The following HDX variants were observed in gnomAD, a reference collection of about 807,000 sequenced individuals.
HDX encodes the protein chromosome X open reading frame 43.
HDX carries 19 observed loss-of-function variants against 45.2 expected under a neutral mutation model. That is an observed-to-expected ratio of 0.42 (90% CI 0.29 to 0.62). The LOEUF (loss-of-function observed/expected upper bound fraction) is 0.62. Ranked by LOEUF, HDX falls within the 20% of genes least tolerant of loss-of-function variation. The pLI is 0.20. For synonymous variants in HDX, 188 were observed against 172.8 expected, an observed-to-expected ratio of 1.09 and a Z score of -0.69; for missense variants, 532 against 493.9, an observed-to-expected ratio of 1.08 and a Z score of -0.73.
At chrX:84,401,309 C>T (rs1244391362) in intron 5 of HDX, among the ~76,000 whole-genome samples, 1 of 111,654 alleles carries the variant, frequency 9.0e-6, no homozygotes, top group African/African-American at 3.3e-5. Context: ...ATCCATCGGA[C>T]AAAGGTCTAA....
chrX:84,484,186 C>T (rs762438797), intron 2 of HDX, among the ~76,000 whole-genome samples: 1 of 111,936 alleles, frequency 8.9e-6, no homozygotes, highest in East Asian at 2.8e-4. Flanking sequence ...AAGTTGCTTC[C>T]ACATTTTGGG....
chrX:84,464,879 T>C (rs2040313109), intron 4 of HDX, among the ~76,000 whole-genome samples: 1 of 111,039 alleles, frequency 9.0e-6, no homozygotes, highest in South Asian at 3.7e-4. Flanking sequence ...ATCATCAGAG[T>C]GAACAGGCAA....
intron 5 of HDX, among the ~76,000 whole-genome samples, chrX:84,369,504 C>T (rs944272547): frequency 1.8e-5 from 2 of 112,129 alleles, no homozygotes; most frequent in African/African-American, 6.5e-5. Context: ...CTGTTTTCCC[C>T]AGCAGATATA....
intron 5 of HDX, among the ~76,000 whole-genome samples, chrX:84,404,437 TTTTGTCCAATAATTGAATTAATTCATAA>T (rs953491080): frequency 9.0e-6 from 1 of 111,379 alleles, no homozygotes; most frequent in African/African-American, 3.3e-5. Flanking sequence ...CTAAATGAAT[TTTTGTCCAATAATTGAATTAATTCATAA>T]CATCTGATCT....
At chrX:84,370,543 G>T (rs931534109) in intron 5 of HDX, among the ~76,000 whole-genome samples, 1 of 112,210 alleles carries the variant, frequency 8.9e-6, no homozygotes, top group African/African-American at 3.2e-5. Context: ...AGTCTCTGGA[G>T]TTCTGGCATC....
At chrX:84,425,725 T>G (rs2039369495) in intron 5 of HDX, among the ~76,000 whole-genome samples, 1 of 111,183 alleles carries the variant, frequency 9.0e-6, no homozygotes, top group Non-Finnish European at 1.9e-5. Flanking sequence ...CATCACATGT[T>G]TTCACTTATT....
chrX:84,351,567 C>T (rs775183968), intron 6 of HDX, among the ~76,000 whole-genome samples: 34 of 111,448 alleles, frequency 3.1e-4, no homozygotes, highest in Non-Finnish European at 6.0e-4. Flanking sequence ...TTTCCTGGTT[C>T]TTGGCTGAGA....
intron 5 of HDX, among the ~76,000 whole-genome samples, chrX:84,405,637 C>T (rs1250171815): frequency 8.3e-5 from 7 of 84,130 alleles, no homozygotes; most frequent in African/African-American, 3.1e-4. Flanking sequence ...GGATCAAGAG[C>T]CTCACAAGCT....
At chrX:84,435,043 T>C (rs1309487574) in intron 5 of HDX, among the ~76,000 whole-genome samples, 2 of 111,198 alleles carry the variant, frequency 1.8e-5, no homozygotes, top group Admixed American at 9.6e-5. Context: ...TTTTATTTCC[T>C]TGGGTCTTCT....
chrX:84,328,610 C>T (rs182283094), intron 9 of HDX, among the ~76,000 whole-genome samples: 5 of 111,253 alleles, frequency 4.5e-5, no homozygotes, highest in East Asian at 2.8e-4. Flanking sequence ...CCAATAAGCA[C>T]GTCAAAATAT....
At chrX:84,342,388 G>A (rs150035891) in intron 7 of HDX, among the ~76,000 whole-genome samples, 9,326 of 110,722 alleles carry the variant, frequency 0.084, 398 homozygotes, top group East Asian at 0.26. Flanking sequence ...GAAGAATGAG[G>A]GCCCTACCAG....
In HDX at chrX:84,344,466, G is replaced by A; in HGVS notation, c.1453-9C>T. The A allele has an allele frequency of 8.7e-7, 1 of 1,150,626 alleles. No homozygotes were observed. Among genetic ancestry groups the A allele is most frequent in the South Asian group, 1.8e-5 (1 of 55,085 alleles). 94.8% of individuals were successfully genotyped at this position (1,150,626 alleles called of 1,213,427 possible). On this transcript the variant is annotated splice_polypyrimidine_tract_variant and intron_variant, in intron 6 of 10. Transcript: ENST00000373177. ...CGATTCCCAATCCAAGTCTTTATAA[G>A]AGAAATATAGGAGGAATTTTTGTAA...
intron 5 of HDX, among the ~76,000 whole-genome samples, chrX:84,422,188 T>A (rs2148013790): frequency 8.9e-6 from 1 of 111,948 alleles, no homozygotes; most frequent in East Asian, 2.8e-4. Flanking sequence ...GTAACAAGCA[T>A]CTTCTTTGAC....
Position 84,349,693 on chromosome X carries a change from TG to T in HDX, c.1453-5237del, listed in dbSNP as rs2037295699. On this transcript the variant is annotated intron_variant, in intron 6 of 10. Transcript: ENST00000373177. ...TTAACCCTAGCCCTGTGTGTGTGTG[TG>T]TGTGTGTGTGCACACACACCATAGA... Among the ~76,000 whole-genome samples the T allele has an allele frequency of 5.7e-5, 6 of 104,773 alleles. No homozygotes were observed. The South Asian group carries it at 2.6e-3, about 45-fold the overall frequency. 91.0% of individuals were successfully genotyped at this position (104,773 alleles called of 115,157 possible).
intron 5 of HDX, among the ~76,000 whole-genome samples, chrX:84,392,989 C>A (rs900152771): frequency 9.2e-6 from 1 of 108,320 alleles, no homozygotes; most frequent in Non-Finnish European, 1.9e-5. Flanking sequence ...TTATTTATTT[C>A]TCTTGCCTGA....
intron 5 of HDX, among the ~76,000 whole-genome samples, chrX:84,364,603 G>C (rs1350459857): frequency 1.0e-5 from 1 of 98,013 alleles, no homozygotes. Context: ...CCGGATTCAA[G>C]CTGATTCTCC....
At chrX:84,459,922 A>C (rs2040200362) in intron 4 of HDX, among the ~76,000 whole-genome samples, 1 of 111,380 alleles carries the variant, frequency 9.0e-6, no homozygotes, top group African/African-American at 3.3e-5. Flanking sequence ...ATATGCCAAT[A>C]ACTTGGAAAA....
intron 1 of HDX, among the ~76,000 whole-genome samples, chrX:84,498,751 A>G (rs956989804): frequency 3.6e-5 from 4 of 110,947 alleles, no homozygotes; most frequent in Non-Finnish European, 7.6e-5. Flanking sequence ...ATGTAGGTAT[A>G]CACCATTTAT....
chrX:84,374,216 C>T (rs1367558277), intron 5 of HDX, among the ~76,000 whole-genome samples: 1 of 110,925 alleles, frequency 9.0e-6, no homozygotes, highest in Non-Finnish European at 1.9e-5. Context: ...TGTGAAGGAC[C>T]TCTTCAAGGA....
Sources: allele counts gnomAD v4.1 joint callset (sites outside exome capture counted in the v4.1 genomes callset), GRCh38; gene constraint gnomAD v4.1.1; transcripts MANE v1.5; gene names NCBI Gene and HGNC (gene_info 2026-07-23, HGNC 2026-07-21).